SPATA16: variants seen among roughly 807,000 people sequenced by gnomAD.
The protein encoded by SPATA16 is spermatogenesis associated 16.
Under a neutral mutation model 63.3 loss-of-function variants are expected in SPATA16, and 36 were observed. The observed-to-expected ratio is 0.57, with a 90% CI of 0.44 to 0.75. The LOEUF (loss-of-function observed/expected upper bound fraction) is 0.75. Ranked by LOEUF, SPATA16 falls within the 30% of genes least tolerant of loss-of-function variation. The pLI is 0.00. For missense variants in SPATA16, 646 were observed against 679.3 expected (o/e 0.95, Z 0.54); for synonymous variants, 203 against 216.7 (o/e 0.94, Z 0.56).
intron 4 of SPATA16, among the ~76,000 whole-genome samples, chr3:173,004,070 G>A (rs536365766): frequency 5.3e-5 from 8 of 152,242 alleles, no homozygotes; most frequent in East Asian, 1.9e-4. Context: ...TTAGCAGACC[G>A]ATCCAGAAAC....
At chr3:172,959,344 T>C (rs1472779420) in intron 5 of SPATA16, among the ~76,000 whole-genome samples, 2 of 152,184 alleles carry the variant, frequency 1.3e-5, no homozygotes, top group African/African-American at 2.4e-5. Flanking sequence ...GATCTGCTCA[T>C]TGAAGGATCT....
intron 2 of SPATA16, among the ~76,000 whole-genome samples, chr3:173,057,197 C>T (rs1163435550): frequency 4.0e-5 from 6 of 151,432 alleles, no homozygotes; most frequent in African/African-American, 1.2e-4. Context: ...CTGCAAGCTC[C>T]GCCTCCCGGA....
chr3:173,033,407 A>G (rs1327568288), intron 3 of SPATA16, among the ~76,000 whole-genome samples: 3 of 152,116 alleles, frequency 2.0e-5, no homozygotes, highest in Admixed American at 6.6e-5. Context: ...CAGTATATCA[A>G]CCTATCTTTT....
intron 4 of SPATA16, among the ~76,000 whole-genome samples, chr3:172,978,136 TCC>T (rs1359780882): frequency 2.0e-5 from 3 of 146,956 alleles, no homozygotes; most frequent in Admixed American, 1.4e-4. Flanking sequence ...TCTCTCTCTC[TCC>T]CTCTCTCTCT....
chr3:173,015,866 GTGT>G (rs1735171964), intron 4 of SPATA16, among the ~76,000 whole-genome samples: 3 of 121,340 alleles, frequency 2.5e-5, no homozygotes, highest in African/African-American at 1.9e-4. Context: ...AATGGGGTGT[GTGT>G]GTGTGTGTGT....
intron 6 of SPATA16, among the ~76,000 whole-genome samples, chr3:172,939,497 A>C (rs1321249187): frequency 6.6e-6 from 1 of 152,104 alleles, no homozygotes; most frequent in Non-Finnish European, 1.5e-5. Context: ...GCAAACCCAA[A>C]ATCTTATGCA....
intron 4 of SPATA16, among the ~76,000 whole-genome samples, chr3:173,010,984 C>G (rs1476871086): frequency 6.6e-6 from 1 of 152,074 alleles, no homozygotes; most frequent in Non-Finnish European, 1.5e-5. Flanking sequence ...CAGATGGATT[C>G]ACACCCAAAT....
At chr3:173,068,628 T>A (rs900556158) in intron 2 of SPATA16, among the ~76,000 whole-genome samples, 1 of 151,596 alleles carries the variant, frequency 6.6e-6, no homozygotes, top group Non-Finnish European at 1.5e-5. Context: ...AATTGAAAAA[T>A]TTCTTGAAAC....
intron 3 of SPATA16, among the ~76,000 whole-genome samples, chr3:173,029,283 T>C (rs1458686793): frequency 6.6e-6 from 1 of 152,064 alleles, no homozygotes; most frequent in African/African-American, 2.4e-5. Flanking sequence ...CTGAGTTTTT[T>C]TTCCCTACTT....
At chr3:172,979,193 C>T (rs1182838578) in intron 4 of SPATA16, among the ~76,000 whole-genome samples, 3 of 151,884 alleles carry the variant, frequency 2.0e-5, no homozygotes, top group Admixed American at 6.6e-5. Flanking sequence ...GCCGAGATCG[C>T]GCCACTGCAC....
At chr3:172,927,711 A>G (rs1264252738) in intron 6 of SPATA16, among the ~76,000 whole-genome samples, 1 of 152,156 alleles carries the variant, frequency 6.6e-6, no homozygotes, top group Non-Finnish European at 1.5e-5. Flanking sequence ...CCAAAGTACA[A>G]AGGCTTACCA....
At chr3:172,980,711 T>A (rs573623669) in intron 4 of SPATA16, among the ~76,000 whole-genome samples, 1 of 152,314 alleles carries the variant, frequency 6.6e-6, no homozygotes, top group African/African-American at 2.4e-5. Flanking sequence ...TTTCCATTTC[T>A]CATTTTCTCC....
intron 2 of SPATA16, among the ~76,000 whole-genome samples, chr3:173,115,960 A>G (rs546991132): frequency 1.0e-4 from 15 of 150,406 alleles, no homozygotes; most frequent in Non-Finnish European, 2.2e-4. Context: ...TGGTGTAATT[A>G]TAGCACACTG....
At chr3:172,925,321 G>A in intron 7 of SPATA16, 25 bp downstream of exon 7, 1 of 1,613,510 alleles carries the variant, frequency 6.2e-7, no homozygotes, top group Non-Finnish European at 8.5e-7. Flanking sequence ...CTATATGCTA[G>A]ACCTTGTAGG....
At chr3:173,133,844 C>T (rs73032614) in intron 1 of SPATA16, among the ~76,000 whole-genome samples, 2,107 of 152,154 alleles carry the variant, frequency 0.014, 43 homozygotes, top group African/African-American at 0.048. Context: ...GTAACATAAG[C>T]CACAAACTTG....
chr3:173,069,356 C>A (rs968884543), intron 2 of SPATA16, among the ~76,000 whole-genome samples: 1 of 151,962 alleles, frequency 6.6e-6, no homozygotes, highest in African/African-American at 2.4e-5. Context: ...ATATGAGCAA[C>A]TATACATCAA....
intron 4 of SPATA16, among the ~76,000 whole-genome samples, chr3:172,999,270 G>C (rs1409805031): frequency 6.6e-6 from 1 of 151,964 alleles, no homozygotes; most frequent in African/African-American, 2.4e-5. Context: ...GTGAATTTTG[G>C]CAGATTATGT....
At chr3:172,901,837 T>G (rs967836827) in intron 10 of SPATA16, among the ~76,000 whole-genome samples, 2 of 152,194 alleles carry the variant, frequency 1.3e-5, no homozygotes, top group African/African-American at 4.8e-5. Flanking sequence ...TGGCCTTCAC[T>G]GACACAACAT....
At chr3:173,093,065 A>G (rs943094232) in intron 2 of SPATA16, among the ~76,000 whole-genome samples, 5 of 150,188 alleles carry the variant, frequency 3.3e-5, no homozygotes, top group Non-Finnish European at 5.9e-5. Context: ...ACACACACAC[A>G]CACACACACA....
Sources: gnomAD v4.1 joint callset for allele counts (sites outside exome capture counted in the v4.1 genomes callset) on GRCh38, gnomAD v4.1.1 for gene constraint, MANE v1.5 for transcripts, NCBI Gene and HGNC (gene_info 2026-07-23, HGNC 2026-07-21) for gene names.